The following ATP9B variants were observed in gnomAD, a reference collection of about 807,000 sequenced individuals.
ATP9B encodes the protein ATPase phospholipid transporting 9B, also known as probable phospholipid-transporting ATPase IIB.
Under a neutral mutation model 146.1 loss-of-function variants are expected in ATP9B, and 110 were observed. The ratio of observed to expected loss-of-function variants is 0.75; its 90% CI spans 0.65 to 0.88. The LOEUF is 0.88. Ranked by LOEUF, ATP9B falls within the 40% of genes least tolerant of loss-of-function variation. The pLI is 0.00. For synonymous variants in ATP9B, 604 were observed against 569.7 expected, an observed-to-expected ratio of 1.06 and a Z score of -0.86; for missense variants, 1,499 against 1,496.4, an observed-to-expected ratio of 1.00 and a Z score of -0.03.
rs2095851984 is a variant in ATP9B, at chr18:79,237,417, CCACGCA to C, written c.1108-15961_1108-15956del. ...ACACGGTCTGTGCATGAGTCAGTGTCCACGCACAGTGGGTGCACATCTGGGCCCTTT... is the reference window on the plus strand; with the variant it reads ...ACACGGTCTGTGCATGAGTCAGTGTCCAGTGGGTGCACATCTGGGCCCTTT... On this transcript the variant is annotated intron_variant, in intron 11 of 29. Coordinates refer to ENST00000426216, the MANE Select transcript of ATP9B (RefSeq NM_198531.5). Among the ~76,000 whole-genome samples the C allele has an allele frequency of 2.0e-5, 3 of 152,374 alleles. No homozygotes were observed. The East Asian group carries it at 5.8e-4, about 29-fold the overall frequency.
In ATP9B at chr18:79,346,446, ACAGT is replaced by A. The variant is rs1191575435; in HGVS notation, c.2682+611_2682+614del. On this transcript the variant is annotated intron_variant, in intron 23 of 29. Coordinates refer to ENST00000426216, the MANE Select transcript of ATP9B (RefSeq NM_198531.5). The stretch of plus-strand genomic sequence containing the variant: ...GCGCACGTCAGCACGTGCTCAGCGC[ACAGT>A]CAGCACACATTCGGCACACATTTAG... Among the ~76,000 whole-genome samples the A allele has an allele frequency of 1.0e-4, 15 of 150,528 alleles. No homozygotes were observed. In the East Asian group the frequency reaches 1.0e-3, roughly 10 times the overall value.
intron 26 of ATP9B, chr18:79,363,830 G>A (rs1313482585): frequency 1.3e-5 from 2 of 149,942 alleles, no homozygotes; most frequent in African/African-American, 4.9e-5. Context: ...TCCTGGGTTG[G>A]GAGGCGTAAA....
chr18:79,106,893 C>T (rs570138514), intron 2 of ATP9B, among the ~76,000 whole-genome samples: 44 of 152,236 alleles, frequency 2.9e-4, no homozygotes, highest in African/African-American at 1.0e-3. Context: ...GTTATGCAGA[C>T]AGTGGTCTTG....
chr18:79,327,456 A>C (rs1027223413), intron 15 of ATP9B, among the ~76,000 whole-genome samples: 2 of 144,366 alleles, frequency 1.4e-5, no homozygotes, highest in South Asian at 2.2e-4. Flanking sequence ...TGTGCTCCCC[A>C]TGGTTAGCGT....
chr18:79,086,668 C>T (rs1022915669), intron 1 of ATP9B, among the ~76,000 whole-genome samples: 1 of 151,824 alleles, frequency 6.6e-6, no homozygotes, highest in Non-Finnish European at 1.5e-5. Flanking sequence ...GATATTGTAC[C>T]ATTAACTCTA....
At chr18:79,213,613 G>A (rs73971525) in intron 10 of ATP9B, among the ~76,000 whole-genome samples, 3,518 of 152,130 alleles carry the variant, frequency 0.023, 121 homozygotes, top group African/African-American at 0.073. Context: ...ATTAGTTAAG[G>A]ATATAGCCTC....
intron 9 of ATP9B, among the ~76,000 whole-genome samples, chr18:79,201,859 C>G (rs1054554236): frequency 1.3e-5 from 2 of 152,060 alleles, no homozygotes; most frequent in Non-Finnish European, 2.9e-5. Context: ...GTGCCCAGCC[C>G]CTGATTTCTG....
intron 15 of ATP9B, among the ~76,000 whole-genome samples, chr18:79,310,513 G>C (rs146925146): frequency 2.0e-5 from 3 of 152,330 alleles, no homozygotes; most frequent in African/African-American, 7.2e-5. Context: ...GAAAGCAGGA[G>C]TCTCTTGTCT....
At chr18:79,321,362 C>T (rs1328411896) in intron 15 of ATP9B, among the ~76,000 whole-genome samples, 3 of 149,632 alleles carry the variant, frequency 2.0e-5, no homozygotes, top group South Asian at 2.1e-4. Context: ...AATTATTTTT[C>T]TTGTAGTTAT....
intron 12 of ATP9B, among the ~76,000 whole-genome samples, chr18:79,275,474 T>C (rs1440403322): frequency 6.6e-6 from 1 of 152,272 alleles, no homozygotes; most frequent in African/African-American, 2.4e-5. Context: ...TAGTAACCAT[T>C]TGCAGGAATG....
intron 26 of ATP9B, among the ~76,000 whole-genome samples, chr18:79,371,763 C>T (rs1382951207): frequency 6.6e-6 from 1 of 152,158 alleles, no homozygotes; most frequent in Non-Finnish European, 1.5e-5. Context: ...GTCCCCTGAG[C>T]TTCCGTGAGG....
chr18:79,146,644 A>G (rs1026784687), intron 6 of ATP9B: 2 of 262,740 alleles, frequency 7.6e-6, no homozygotes, highest in Non-Finnish European at 1.5e-5. Flanking sequence ...CTGAAGGTCC[A>G]TGCTGCATAT....
At chr18:79,075,740 C>A (rs1242026015) in intron 1 of ATP9B, among the ~76,000 whole-genome samples, 2 of 151,848 alleles carry the variant, frequency 1.3e-5, no homozygotes, top group African/African-American at 4.8e-5. Flanking sequence ...TTTTTTTTTA[C>A]CCACCGCCAT....
intron 12 of ATP9B, among the ~76,000 whole-genome samples, chr18:79,258,752 A>G (rs2096110728): frequency 6.6e-6 from 1 of 152,134 alleles, no homozygotes; most frequent in Non-Finnish European, 1.5e-5. Flanking sequence ...CCCTCTGTTT[A>G]GCTCCAGAAC....
At chr18:79,198,383 T>A (rs1302796915) in intron 9 of ATP9B, among the ~76,000 whole-genome samples, 1 of 152,218 alleles carries the variant, frequency 6.6e-6, no homozygotes, top group African/African-American at 2.4e-5. Flanking sequence ...ACAAAGTACA[T>A]TTCAGAACAT....
chr18:79,290,520 C>A (rs1026015546), intron 13 of ATP9B, among the ~76,000 whole-genome samples: 2 of 152,190 alleles, frequency 1.3e-5, no homozygotes, highest in South Asian at 4.1e-4. Context: ...CTGTCTGTCA[C>A]CCCTTTCTTT....
chr18:79,095,914 C>T (rs2074739610), intron 1 of ATP9B, among the ~76,000 whole-genome samples: 2 of 152,070 alleles, frequency 1.3e-5, no homozygotes, highest in Non-Finnish European at 2.9e-5. Context: ...CATTGAATAG[C>T]GCATTTTAGT....
intron 1 of ATP9B, among the ~76,000 whole-genome samples, chr18:79,089,225 A>T (rs545404204): frequency 6.6e-6 from 1 of 152,170 alleles, no homozygotes; most frequent in South Asian, 2.1e-4. Flanking sequence ...TATGTAACTA[A>T]ATACCACCTG....
intron 25 of ATP9B, chr18:79,354,563 T>G (rs1600305651): frequency 2.6e-5 from 2 of 76,296 alleles, no homozygotes; most frequent in African/African-American, 5.9e-5. Flanking sequence ...AGTGAGACCG[T>G]GTCTCAAAAA....
Sources: gnomAD v4.1 joint callset for allele counts (sites outside exome capture counted in the v4.1 genomes callset) on GRCh38, gnomAD v4.1.1 for gene constraint, MANE v1.5 for transcripts, NCBI Gene and HGNC (gene_info 2026-07-23, HGNC 2026-07-21) for gene names.